Variants in CTNNA3 observed in about 807,000 individuals in gnomAD.
CTNNA3 encodes catenin alpha 3, also known as catenin alpha-3.
A neutral mutation model predicts 95.7 loss-of-function variants in CTNNA3; 76 were observed. That is an observed-to-expected ratio of 0.79 (90% CI 0.66 to 0.96). The LOEUF (loss-of-function observed/expected upper bound fraction) is 0.96, where lower values mean the gene tolerates loss of function less well. CTNNA3 is among the 40% of genes least tolerant of loss of function. CTNNA3 has a pLI of 0.00. For synonymous variants in CTNNA3, 431 were observed against 374.4 expected (o/e 1.15, Z -1.74); for missense variants, 1,191 against 1,089.8 (o/e 1.09, Z -1.31).
At chr10:67,568,850 T>C (rs1841895095) in intron 3 of CTNNA3, among the ~76,000 whole-genome samples, 1 of 152,160 alleles carries the variant, frequency 6.6e-6, no homozygotes, top group South Asian at 2.1e-4. Flanking sequence ...AGGCAACAGC[T>C]GCTGCCCTCA....
chr10:66,918,138 T>A (rs1846591983), intron 7 of CTNNA3, among the ~76,000 whole-genome samples: 1 of 152,180 alleles, frequency 6.6e-6, no homozygotes, highest in South Asian at 2.1e-4. Flanking sequence ...TTAATAAGAA[T>A]TTTTTGTGCC....
At chr10:67,728,069 A>G (rs1210379185) in intron 1 of CTNNA3, among the ~76,000 whole-genome samples, 1 of 140,514 alleles carries the variant, frequency 7.1e-6, no homozygotes, top group African/African-American at 2.7e-5. Flanking sequence ...TATGTATATT[A>G]CATATTATAT....
At chr10:66,368,203 A>G (rs1319875619) in intron 12 of CTNNA3, among the ~76,000 whole-genome samples, 7 of 152,042 alleles carry the variant, frequency 4.6e-5, no homozygotes, top group Non-Finnish European at 1.0e-4. Context: ...TGAATATAGT[A>G]TTCTAAGATC....
intron 7 of CTNNA3, among the ~76,000 whole-genome samples, chr10:67,044,067 T>G (rs1424004155): frequency 1.3e-5 from 2 of 151,958 alleles, no homozygotes; most frequent in East Asian, 3.9e-4. Flanking sequence ...TAGTACCAAA[T>G]AGGTAGTTTT....
chr10:67,203,914 T>G (rs10997571), intron 6 of CTNNA3, among the ~76,000 whole-genome samples: 1 of 152,270 alleles, frequency 6.6e-6, no homozygotes, highest in East Asian at 1.9e-4. Flanking sequence ...TCCCATTTCA[T>G]TACTACAGAA....
chr10:66,652,763 C>A (rs563584941), intron 9 of CTNNA3, among the ~76,000 whole-genome samples: 230 of 152,144 alleles, frequency 1.5e-3, no homozygotes, highest in South Asian at 3.5e-3. Flanking sequence ...AAACCAAATT[C>A]ATCAGTATAT....
At chr10:66,852,563 A>G (rs10997412) in intron 7 of CTNNA3, among the ~76,000 whole-genome samples, 87,683 of 151,960 alleles carry the variant, frequency 0.58, 26,330 homozygotes, top group Non-Finnish European at 0.63. Context: ...AGCAATATTT[A>G]AATGGTATCA....
chr10:67,199,029 G>A (rs1252154932), intron 6 of CTNNA3, among the ~76,000 whole-genome samples: 1 of 151,540 alleles, frequency 6.6e-6, no homozygotes, highest in African/African-American at 2.4e-5. Context: ...GGAGGGAGAT[G>A]TAAAAAAAAT....
intron 6 of CTNNA3, among the ~76,000 whole-genome samples, chr10:67,211,521 C>A (rs1589869501): frequency 1.3e-5 from 2 of 152,136 alleles, no homozygotes; most frequent in African/African-American, 4.8e-5. Flanking sequence ...TAAAACCTCA[C>A]ACTAGGTTCT....
chr10:66,916,082 A>G (rs1846480474), intron 7 of CTNNA3, among the ~76,000 whole-genome samples: 1 of 152,246 alleles, frequency 6.6e-6, no homozygotes, highest in East Asian at 1.9e-4. Flanking sequence ...GGGACAAACA[A>G]CAAGCCCTAG....
At chr10:67,730,551 T>A (rs917518986) in intron 1 of CTNNA3, among the ~76,000 whole-genome samples, 1 of 152,150 alleles carries the variant, frequency 6.6e-6, no homozygotes, top group South Asian at 2.1e-4. Flanking sequence ...CAAGAAAGAA[T>A]AGAAGACATT....
intron 9 of CTNNA3, among the ~76,000 whole-genome samples, chr10:66,644,492 C>T (rs117248523): frequency 0.24 from 35,167 of 147,250 alleles, 5,385 homozygotes; most frequent in East Asian, 0.52. Context: ...TATATATACA[C>T]ACATACACAA....
intron 9 of CTNNA3, among the ~76,000 whole-genome samples, chr10:66,742,801 A>C (rs1221436295): frequency 1.3e-5 from 2 of 152,042 alleles, no homozygotes; most frequent in Non-Finnish European, 2.9e-5. Context: ...TGGTGTTCTC[A>C]ATTTCTGTTT....
intron 1 of CTNNA3, among the ~76,000 whole-genome samples, chr10:67,727,580 A>G (rs1841244354): frequency 7.8e-6 from 1 of 128,844 alleles, no homozygotes; most frequent in Non-Finnish European, 1.6e-5. Flanking sequence ...GTAGCATAAT[A>G]TATGATATAT....
At chr10:66,401,103 G>T (rs2093016470) in intron 11 of CTNNA3, among the ~76,000 whole-genome samples, 1 of 152,106 alleles carries the variant, frequency 6.6e-6, no homozygotes, top group Non-Finnish European at 1.5e-5. Context: ...CTTGAGTGTT[G>T]TTTTGGCTTT....
At chr10:66,189,489 A>C (rs900176099) in intron 13 of CTNNA3, among the ~76,000 whole-genome samples, 2 of 151,556 alleles carry the variant, frequency 1.3e-5, no homozygotes, top group Non-Finnish European at 2.9e-5. Flanking sequence ...TCCACTGTTG[A>C]AAATGAGTTG....
chr10:67,496,829 G>A (rs1207567705), intron 5 of CTNNA3, among the ~76,000 whole-genome samples: 1 of 152,038 alleles, frequency 6.6e-6, no homozygotes, highest in Non-Finnish European at 1.5e-5. Context: ...TAATTCCAAT[G>A]ATAAACACTT....
At chr10:65,946,938 G>A (rs942474809) in intron 17 of CTNNA3, among the ~76,000 whole-genome samples, 1 of 152,100 alleles carries the variant, frequency 6.6e-6, no homozygotes, top group African/African-American at 2.4e-5. Context: ...CACTCTAATA[G>A]CAAATAAAAA....
chr10:66,291,256 C>A (rs1056899418), intron 12 of CTNNA3, among the ~76,000 whole-genome samples: 1 of 152,098 alleles, frequency 6.6e-6, no homozygotes, highest in Non-Finnish European at 1.5e-5. Flanking sequence ...CCTGTGCAAA[C>A]AGTAAATTCA....
Sources: gnomAD v4.1 joint callset for allele counts (sites outside exome capture counted in the v4.1 genomes callset) on GRCh38, gnomAD v4.1.1 for gene constraint, MANE v1.5 for transcripts, NCBI Gene and HGNC (gene_info 2026-07-23, HGNC 2026-07-21) for gene names.